The following USP8 variants were observed in gnomAD, a reference collection of about 807,000 sequenced individuals.
USP8 encodes the protein ubiquitin specific peptidase 8, also known as ubiquitin carboxyl-terminal hydrolase 8.
Under a neutral mutation model 130.0 loss-of-function variants are expected in USP8, and 27 were observed. The observed-to-expected ratio is 0.21, with a 90% CI of 0.15 to 0.29. USP8 has a LOEUF of 0.29. Among genes scored for constraint, USP8 ranks in the 10% least tolerant of loss-of-function variants. The probability of loss-of-function intolerance (pLI) is 1.00; values close to 1 mark genes in which losing one functional copy is unlikely to be tolerated. For missense variants in USP8, 1,029 were observed against 1,312.2 expected (o/e 0.78, Z 3.33); for synonymous variants, 392 against 444.1 (o/e 0.88, Z 1.48).
chr15:50,471,986 C>T (rs1476184747), intron 8 of USP8, among the ~76,000 whole-genome samples, 191 bp downstream of exon 8: 6 of 151,280 alleles, frequency 4.0e-5, no homozygotes, highest in Non-Finnish European at 7.4e-5. Context: ...CTGCAACCTC[C>T]GCGTCCCAGG....
chr15:50,496,947 A>C, intron 17 of USP8, 142 bp from the exon 18 acceptor site: 1 of 1,063,548 alleles, frequency 9.4e-7, no homozygotes, highest in Non-Finnish European at 1.3e-6. Context: ...ACTAGATCAC[A>C]AGCTTTGGGA....
intron 3 of USP8, among the ~76,000 whole-genome samples, chr15:50,448,078 ATGTT>A (rs938284462): frequency 3.9e-5 from 6 of 152,044 alleles, no homozygotes; most frequent in African/African-American, 1.4e-4. Context: ...TACAGAAGTT[ATGTT>A]TGTTTATTTG....
At chr15:50,471,555 C>G in intron 7 of USP8, 78 bp from the exon 8 acceptor site, 2 of 1,511,512 alleles carry the variant, frequency 1.3e-6, no homozygotes, top group Non-Finnish European at 1.8e-6. Context: ...GACTGTGGAA[C>G]AAAACTGAGT....
In USP8 at chr15:50,477,436, T is replaced by C. The variant is rs749065974; in HGVS notation, c.1155T>C (p.Ala385=). The C allele has an allele frequency of 1.2e-6, 2 of 1,614,182 alleles. No homozygotes were observed. Among genetic ancestry groups the C allele is most frequent in the Non-Finnish European group, 8.5e-7 (1 of 1,180,024 alleles). ...TATCAACTCCAGTTGAACCAGTTGC[T>C]GCTTCTAAATCTGATGTTTCACCCA... ...LNISTPVEPV[A]ASKSDVSPII... Residue 385 remains alanine, a synonymous_variant, in exon 10 of 20, where the codon GCT becomes GCC. Coordinates refer to ENST00000307179, the MANE Select transcript of USP8 (RefSeq NM_005154.5).
intron 5 of USP8, among the ~76,000 whole-genome samples, chr15:50,459,743 T>A (rs2050919070): frequency 1.3e-5 from 2 of 152,212 alleles, no homozygotes. Flanking sequence ...AGCTGAGCTG[T>A]GATTTATTAT....
rs752348753 is a variant in USP8, at chr15:50,477,428, C to T, written c.1147C>T (p.Pro383Ser). The change falls in exon 10 of 20, where the codon CCA becomes TCA. Residue 383 changes from proline to serine, a missense_variant. Physicochemically the swap from Pro to Ser is moderately conservative, Grantham distance 74 (BLOSUM62 -1). Around this residue, in one of 4 missense-constraint regions of USP8, gnomAD observed 486 missense variants for 522.0 expected, o/e 0.93. Coordinates refer to ENST00000307179, the MANE Select transcript of USP8 (RefSeq NM_005154.5). ...GPLNISTPVE[P>S]VAASKSDVSP... ...ACTGAATATATCAACTCCAGTTGAA[C>T]CAGTTGCTGCTTCTAAATCTGATGT... 19 of 1,613,984 alleles carry T rather than the reference C, an allele frequency of 1.2e-5. No homozygotes were observed. The highest frequency in any genetic ancestry group is 2.2e-5 in the East Asian group (1 of 44,886).
Position 50,510,716 on chromosome 15 carries a change from C to A in USP8, c.*11628C>A, listed in dbSNP as rs889910716. 4 of 151,922 alleles carry A rather than the reference C, an allele frequency of 2.6e-5. No homozygotes were observed. The highest frequency in any genetic ancestry group is 4.4e-5 in the Non-Finnish European group (3 of 67,984). 9.4% of individuals were successfully genotyped at this position (151,922 alleles called of 1,614,324 possible). A position where few individuals can be genotyped will look rare whatever the true frequency, so the allele number is the denominator to read the frequency against. On this transcript the variant is annotated 3_prime_UTR_variant, in exon 20 of 20. Coordinates refer to ENST00000307179, the MANE Select transcript of USP8 (RefSeq NM_005154.5). Reference sequence around the variant, plus strand: ...AGTGAAAGTAATAAAAGTGTATACACTGCTAAATGTTAATAACTGAATCTA... The same window carrying A: ...AGTGAAAGTAATAAAAGTGTATACAATGCTAAATGTTAATAACTGAATCTA...
chr15:50,435,091 G>A (rs529310349), intron 1 of USP8, among the ~76,000 whole-genome samples: 3 of 152,234 alleles, frequency 2.0e-5, no homozygotes, highest in South Asian at 2.1e-4. Context: ...CCAAAATAAG[G>A]CAATTGAGTT....
intron 3 of USP8, among the ~76,000 whole-genome samples, chr15:50,447,749 AT>A (rs11365548): frequency 0.98 from 144,743 of 147,316 alleles, 71,160 homozygotes; most frequent in Middle Eastern, 1. Context: ...TTTTACGCTT[AT>A]TTTTTTTTTT....
In USP8 at chr15:50,501,026, T is replaced by A; in HGVS notation, c.*1938T>A. ...TGCTTCTCATTTCATTGTAACTACT[T>A]ATATGTTGTGCCCATTGACTATCAT... On this transcript the variant is annotated 3_prime_UTR_variant, in exon 20 of 20. Coordinates refer to ENST00000307179, the MANE Select transcript of USP8 (RefSeq NM_005154.5). The A allele has an allele frequency of 1.8e-6, 1 of 550,524 alleles. No individual in the cohort carries two copies. The highest frequency in any genetic ancestry group is 2.1e-5 in the South Asian group (1 of 47,342). The allele number at this position is 550,524 out of a possible 1,614,324, so 34.1% of individuals were successfully genotyped here.
At chr15:50,460,223 C>A (rs1294033978) in intron 5 of USP8, among the ~76,000 whole-genome samples, 2 of 150,374 alleles carry the variant, frequency 1.3e-5, no homozygotes, top group Non-Finnish European at 3.0e-5. Flanking sequence ...GTCTCGAACT[C>A]CTGACCTCCA....
At chr15:50,430,726 C>T (rs1002270249) in intron 1 of USP8, among the ~76,000 whole-genome samples, 6 of 152,124 alleles carry the variant, frequency 3.9e-5, no homozygotes, top group African/African-American at 1.2e-4. Context: ...AGTTGATAAA[C>T]AGATTTAATA....
Position 50,500,771 on chromosome 15 carries a change from A to C in USP8, c.*1683A>C. The C allele has an allele frequency of 6.3e-7, 1 of 1,586,764 alleles. No homozygotes were observed. The highest frequency in any genetic ancestry group is 8.6e-7 in the Non-Finnish European group (1 of 1,165,740). On this transcript the variant is annotated 3_prime_UTR_variant, in exon 20 of 20. Coordinates refer to ENST00000307179, the MANE Select transcript of USP8 (RefSeq NM_005154.5). ...ACTCGTGTGTTATCAAAGCTATATCAGGCCTGGGTGACTGAATTCTTGCAG... is the reference window on the plus strand; with the variant it reads ...ACTCGTGTGTTATCAAAGCTATATCCGGCCTGGGTGACTGAATTCTTGCAG...
intron 8 of USP8, among the ~76,000 whole-genome samples, chr15:50,474,515 A>T (rs562783096): frequency 1.3e-5 from 2 of 152,340 alleles, no homozygotes; most frequent in South Asian, 4.1e-4. Flanking sequence ...ACTGGCATTG[A>T]CCTACAAATG....
At chr15:50,452,181 C>A (rs148032145) in intron 4 of USP8, among the ~76,000 whole-genome samples, 126 of 152,286 alleles carry the variant, frequency 8.3e-4, no homozygotes, top group African/African-American at 2.8e-3. Context: ...TTGCCTGTCC[C>A]GTTTCTTATT....
intron 12 of USP8, among the ~76,000 whole-genome samples, chr15:50,485,477 T>G: frequency 6.6e-6 from 1 of 150,584 alleles, no homozygotes; most frequent in Non-Finnish European, 1.5e-5. Flanking sequence ...TCTTTGCCTT[T>G]GTTTTTCCTT....
chr15:50,472,637 G>A (rs1021452128), intron 8 of USP8, among the ~76,000 whole-genome samples: 1 of 150,916 alleles, frequency 6.6e-6, no homozygotes, highest in Admixed American at 6.6e-5. Context: ...AGGGCCAGGC[G>A]TGGTGGCCCA....
rs1052386553 is a variant in USP8, at chr15:50,509,438, G to C, written c.*10350G>C. On this transcript the variant is annotated 3_prime_UTR_variant, in exon 20 of 20. Coordinates refer to ENST00000307179, the MANE Select transcript of USP8 (RefSeq NM_005154.5). ...TGAGGCAGGCGGATCACCAGGTCAG[G>C]AAATTGAGACTATCCTGGCTAACAC... 1 of 152,126 alleles carries C rather than the reference G, an allele frequency of 6.6e-6. No homozygotes were observed. Among genetic ancestry groups the C allele is most frequent in the Non-Finnish European group, 1.5e-5 (1 of 68,110 alleles). 9.4% of individuals were successfully genotyped at this position (152,126 alleles called of 1,614,324 possible). A position where few individuals can be genotyped will look rare whatever the true frequency, so the allele number is the denominator to read the frequency against.
rs2050656810 is a variant in USP8, at chr15:50,452,478, A to AGT, written c.335+2994_335+2995insTG. Among the ~76,000 whole-genome samples, 3 of 152,326 alleles carry AGT rather than the reference A, an allele frequency of 2.0e-5. No individual in the cohort carries two copies. The South Asian group carries it at 6.2e-4, about 32-fold the overall frequency. Reference sequence around the variant, plus strand: ...CAAGGTAGGGGGTAAGGTGTGGATAAGAGAAGAAAATAGGAAAAAAGAGAA... The same window carrying AGT: ...CAAGGTAGGGGGTAAGGTGTGGATAAGTGAGAAGAAAATAGGAAAAAAGAGAA... On this transcript the variant is annotated intron_variant, in intron 4 of 19. Coordinates refer to ENST00000307179, the MANE Select transcript of USP8 (RefSeq NM_005154.5).
Sources: allele counts gnomAD v4.1 joint callset (sites outside exome capture counted in the v4.1 genomes callset), GRCh38; gene constraint gnomAD v4.1.1; regional missense constraint gnomAD v4.1.1; transcripts MANE v1.5; gene names NCBI Gene and HGNC (gene_info 2026-07-23, HGNC 2026-07-21).